Variants in KANK2 observed in about 807,000 individuals in gnomAD.
The protein encoded by KANK2 is KN motif and ankyrin repeat domain-containing protein 2.
In KANK2, 41 loss-of-function variants were observed where a neutral mutation model predicts 74.6. That is an observed-to-expected ratio of 0.55 (90% confidence interval 0.43 to 0.71). KANK2 has a LOEUF of 0.71. Among genes scored for constraint, KANK2 ranks in the 30% least tolerant of loss-of-function variants. KANK2 has a pLI of 0.00. For missense variants in KANK2, 1,148 were observed against 1,196.4 expected, an observed-to-expected ratio of 0.96 and a Z score of 0.60; for synonymous variants, 537 against 519.0, an observed-to-expected ratio of 1.03 and a Z score of -0.47.
At chr19:11,178,291 GA>G in intron 6 of KANK2, 53 bp downstream of exon 6, 1 of 1,145,174 alleles carries the variant, frequency 8.7e-7, no homozygotes, top group Non-Finnish European at 1.1e-6. Flanking sequence ...GTGCGTGGAT[GA>G]ATGGAGGAGG....
At chr19:11,167,058 C>A (rs2078043140) in intron 12 of KANK2, among the ~76,000 whole-genome samples, 1 of 151,906 alleles carries the variant, frequency 6.6e-6, no homozygotes, top group African/African-American at 2.4e-5. Flanking sequence ...TGGAGAGGAC[C>A]CTGGCTTTTT....
chr19:11,190,334 G>A (rs928454536), intron 4 of KANK2, among the ~76,000 whole-genome samples: 1 of 152,060 alleles, frequency 6.6e-6, no homozygotes, highest in African/African-American at 2.4e-5. Flanking sequence ...CGCCATATTG[G>A]CCAGGCTGGT....
chr19:11,176,917 A>G, intron 6 of KANK2, 100 bp from the exon 7 acceptor site: 2 of 1,364,120 alleles, frequency 1.5e-6, no homozygotes, highest in Non-Finnish European at 1.9e-6. Context: ...TGTGGGCCTC[A>G]GCTTCCCCAT....
At chr19:11,179,138 A>G (rs2078437127) in intron 4 of KANK2, among the ~76,000 whole-genome samples, 1 of 151,784 alleles carries the variant, frequency 6.6e-6, no homozygotes, top group African/African-American at 2.4e-5. Flanking sequence ...TAACATGGTG[A>G]AATCCCGTCT....
intron 4 of KANK2, chr19:11,192,438 T>TC (rs2078873606): frequency 5.2e-6 from 1 of 191,464 alleles, no homozygotes; most frequent in South Asian, 1.0e-4. Context: ...ATTCTTTTTT[T>TC]TTTTTTTTTT....
At position 11,194,574 on chromosome 19, in the gene KANK2, C is replaced by T; in HGVS notation, c.-63G>A. The T allele has an allele frequency of 7.3e-7, 1 of 1,371,376 alleles. No homozygotes were observed. Among genetic ancestry groups the T allele is most frequent in the East Asian group, 2.3e-5 (1 of 43,772 alleles). The allele number at this position is 1,371,376 out of a possible 1,614,324, so 85.0% of individuals were successfully genotyped here. ...GGACTGCGAGTCAGACTGCCTGCAG[C>T]ACCGGCTGAGGCTTACCTGGGGAAA... On this transcript the variant is annotated 5_prime_UTR_variant, in exon 3 of 13. Coordinates refer to ENST00000586659, the MANE Select transcript of KANK2 (RefSeq NM_001136191.3).
At position 11,193,430 on chromosome 19, in the gene KANK2, G is replaced by A. The variant is rs143268076; in HGVS notation, c.650C>T (p.Ser217Leu). ...CTGCCGCTTTTCCTCCTGGAGCACC[G>A]AGAGCTTCACCTGGAGCACAGGGAT... ...KLIPVLQVKL[S>L]VLQEEKRQLT... The change falls in exon 4 of 13, where the codon TCG becomes TTG. Residue 217 changes from serine (S) to leucine (L), a missense_variant. Physicochemically the swap from Ser to Leu is moderately radical, Grantham distance 145. Transcript: ENST00000586659. This position sits in a 1 kb window ranked among gnomAD's most constrained non-coding sequence, Gnocchi z 9.6. 8.8e-5 allele frequency: 142 copies of A among 1,612,322 alleles called. 2 individuals are homozygous for A. Among genetic ancestry groups the A allele is most frequent in the Admixed American group, 1.2e-4 (7 of 60,004 alleles).
Position 11,164,714 on chromosome 19 carries a change from C to T in KANK2, c.*1844G>A, listed in dbSNP as rs1600801105. The T allele has an allele frequency of 2.0e-4, 2 of 10,066 alleles. No individual in the cohort carries two copies. Among genetic ancestry groups the T allele is most frequent in the South Asian group, 3.4e-3 (1 of 294 alleles). The allele number at this position is 10,066 out of a possible 1,614,324, so 0.6% of individuals were successfully genotyped here. A position where few individuals can be genotyped will look rare whatever the true frequency, so the allele number is the denominator to read the frequency against. The stretch of plus-strand genomic sequence containing the variant: ...ATGCAAACACCATCTATCTATTCAT[C>T]CATCCATCCATCCATCCATCCATCC... On this transcript the variant is annotated 3_prime_UTR_variant, in exon 13 of 13. Coordinates refer to ENST00000586659, the MANE Select transcript of KANK2 (RefSeq NM_001136191.3).
chr19:11,168,095 T>C (rs534587065), intron 12 of KANK2, among the ~76,000 whole-genome samples: 83 of 148,936 alleles, frequency 5.6e-4, no homozygotes, highest in Non-Finnish European at 1.1e-3. Flanking sequence ...CTCCACCTCC[T>C]GGGTTCAAGT....
chr19:11,165,135 CTG>C lies in KANK2; in HGVS notation c.*1421_*1422del, dbSNP rs16423. ...GGACCAAAACAGGCCATGAAGGAAA[CTG>C]TGAGTGTCTCTGGCAAGCCCCGTTT... On this transcript the variant is annotated 3_prime_UTR_variant, in exon 13 of 13. Transcript: ENST00000586659. 0.43 allele frequency: 65,739 copies of C among 151,834 alleles called. 14,716 individuals carry two copies. The highest frequency in any genetic ancestry group is 0.48 in the African/African-American group (20,044 of 41,400). The allele number at this position is 151,834 out of a possible 1,614,324, so 9.4% of individuals were successfully genotyped here.
intron 9 of KANK2, among the ~76,000 whole-genome samples, chr19:11,173,526 C>T (rs1568643240): frequency 6.6e-6 from 1 of 152,196 alleles, no homozygotes; most frequent in Non-Finnish European, 1.5e-5. Context: ...TAACTGAGGA[C>T]CACGTCTTCT....
At position 11,192,825 on chromosome 19, in the gene KANK2, G is replaced by T; in HGVS notation, c.1249+6C>A. 1 of 1,498,128 alleles carries T rather than the reference G, an allele frequency of 6.7e-7. No homozygotes were observed. The highest frequency in any genetic ancestry group is 9.1e-7 in the Non-Finnish European group (1 of 1,100,644). 92.8% of individuals were successfully genotyped at this position (1,498,128 alleles called of 1,614,324 possible). A position where few individuals can be genotyped will look rare whatever the true frequency, so the allele number is the denominator to read the frequency against. On this transcript the variant is annotated splice_donor_region_variant and intron_variant, in intron 4 of 12. Coordinates refer to ENST00000586659, the MANE Select transcript of KANK2 (RefSeq NM_001136191.3). ...CATTCTCCCCTGCCTGCCTGCGACC[G>T]CTTACCTGCTGCTCCATCGCAGCTT... is the stretch of plus-strand genomic sequence containing the variant.
intron 4 of KANK2, among the ~76,000 whole-genome samples, chr19:11,181,785 G>T (rs2078526407): frequency 6.6e-6 from 1 of 152,006 alleles, no homozygotes; most frequent in Admixed American, 6.6e-5. Context: ...GCCCAGGAGT[G>T]TGAGACCAGC....
chr19:11,176,283 A>G (rs2078333993), intron 7 of KANK2, among the ~76,000 whole-genome samples: 1 of 152,200 alleles, frequency 6.6e-6, no homozygotes, highest in South Asian at 2.1e-4. Flanking sequence ...AAAAAGAGAC[A>G]TAAATAGAAC....
Position 11,194,550 on chromosome 19 carries a change from G to T in KANK2, c.-39C>A. Reference sequence around the variant, plus strand: ...GATGCTCCTTGGAAGTCACTTGAGGGACTGCGAGTCAGACTGCCTGCAGCA... The same window carrying T: ...GATGCTCCTTGGAAGTCACTTGAGGTACTGCGAGTCAGACTGCCTGCAGCA... On this transcript the variant is annotated 5_prime_UTR_variant, in exon 3 of 13. Coordinates refer to ENST00000586659, the MANE Select transcript of KANK2 (RefSeq NM_001136191.3). 2 of 1,573,336 alleles carry T rather than the reference G, an allele frequency of 1.3e-6. No homozygotes were observed. Among genetic ancestry groups the T allele is most frequent in the Non-Finnish European group, 1.7e-6 (2 of 1,144,086 alleles).
intron 10 of KANK2, among the ~76,000 whole-genome samples, chr19:11,171,085 G>A (rs1201652356): frequency 1.3e-5 from 2 of 152,186 alleles, no homozygotes; most frequent in Admixed American, 6.5e-5. Flanking sequence ...TTACAGGCGT[G>A]AGCCATCGTG....
intron 4 of KANK2, among the ~76,000 whole-genome samples, chr19:11,182,545 AC>A (rs145343873): frequency 0.067 from 9,835 of 146,206 alleles, 449 homozygotes; most frequent in East Asian, 0.21. Context: ...AAACAAAAAA[AC>A]AAAACAAAAC....
At chr19:11,183,471 G>A (rs923163256) in intron 4 of KANK2, among the ~76,000 whole-genome samples, 5 of 151,400 alleles carry the variant, frequency 3.3e-5, no homozygotes, top group African/African-American at 1.2e-4. Context: ...AGGGACTCAG[G>A]AAAGGGAAAG....
At chr19:11,181,916 ATTTT>A (rs371144441) in intron 4 of KANK2, among the ~76,000 whole-genome samples, 1 of 132,912 alleles carries the variant, frequency 7.5e-6, no homozygotes, top group Admixed American at 7.8e-5. Context: ...AAGATGGTTA[ATTTT>A]TTTTTTTTTT....
Sources: allele counts gnomAD v4.1 joint callset (sites outside exome capture counted in the v4.1 genomes callset), GRCh38; gene constraint gnomAD v4.1.1; non-coding constraint Gnocchi (gnomAD v3.1); transcripts MANE v1.5; gene names NCBI Gene and HGNC (gene_info 2026-07-23, HGNC 2026-07-21).